Variants in BRAF observed in about 807,000 individuals in gnomAD.
The protein encoded by BRAF is B-Raf proto-oncogene, serine/threonine kinase.
In BRAF, 16 loss-of-function variants were observed where a neutral mutation model predicts 104.6. That is an observed-to-expected ratio of 0.15 (90% confidence interval 0.10 to 0.23). BRAF has a LOEUF of 0.23. Among genes scored for constraint, BRAF ranks in the 10% least tolerant of loss-of-function variants. BRAF has a pLI of 1.00. For synonymous variants in BRAF, 310 were observed against 341.6 expected (o/e 0.91, Z 1.02); for missense variants, 541 against 937.3 (o/e 0.58, Z 5.52).
chr7:140,827,626 C>T (rs1403629874), intron 3 of BRAF, among the ~76,000 whole-genome samples: 1 of 152,184 alleles, frequency 6.6e-6, no homozygotes, highest in East Asian at 1.9e-4. Context: ...TTCCAACTAC[C>T]TTTGTGACAC....
chr7:140,734,471 C>T (rs1796213660), intron 19 of BRAF: 1 of 1,588,842 alleles, frequency 6.3e-7, no homozygotes, highest in African/African-American at 1.3e-5. Context: ...TCTTTAACCA[C>T]ACAAGTGTTC....
At chr7:140,796,669 T>C (rs1167264222) in intron 7 of BRAF, among the ~76,000 whole-genome samples, 2 of 152,246 alleles carry the variant, frequency 1.3e-5, no homozygotes, top group African/African-American at 4.8e-5. Context: ...TGGTAGTTGG[T>C]ATCTAATAGT....
At chr7:140,717,372 C>T (rs1463925511), downstream of BRAF, among the ~76,000 whole-genome samples, 3 of 151,646 alleles carry the variant, frequency 2.0e-5, no homozygotes, top group Non-Finnish European at 4.4e-5. Context: ...CCTTGACCTC[C>T]CAGGCTCAAG....
downstream of BRAF, among the ~76,000 whole-genome samples, chr7:140,718,113 G>T (rs901421161): frequency 6.6e-6 from 1 of 151,784 alleles, no homozygotes; most frequent in Non-Finnish European, 1.5e-5. Flanking sequence ...TGTTTTTTTT[G>T]AGACAGAGTC....
chr7:140,881,085 T>C (rs887662427), intron 1 of BRAF, among the ~76,000 whole-genome samples: 2 of 152,234 alleles, frequency 1.3e-5, no homozygotes, highest in African/African-American at 4.8e-5. Flanking sequence ...GATCTTTTTT[T>C]CTTCTGAGCA....
chr7:140,746,200 T>TTGTAACTGTAGTTTCTAGTCAGAAA (rs1797334217), intron 17 of BRAF, among the ~76,000 whole-genome samples: 1 of 152,190 alleles, frequency 6.6e-6, no homozygotes, highest in Non-Finnish European at 1.5e-5. Flanking sequence ...AGATATATGC[T>TTGTAACTGTAGTTTCTAGTCAGAAA]ATCTATTCTT....
chr7:140,887,439 G>A (rs556181794), intron 1 of BRAF, among the ~76,000 whole-genome samples: 3 of 152,266 alleles, frequency 2.0e-5, no homozygotes, highest in African/African-American at 4.8e-5. Flanking sequence ...TAATCTGACC[G>A]CAAATATTTT....
intron 1 of BRAF, among the ~76,000 whole-genome samples, chr7:140,917,849 G>A (rs918439113): frequency 1.3e-5 from 2 of 152,138 alleles, no homozygotes; most frequent in African/African-American, 4.8e-5. Flanking sequence ...ACATGAAAAT[G>A]ATATGAAATT....
In BRAF at chr7:140,719,550, A is replaced by G. The variant is rs944870816; in HGVS notation, c.*6944T>C. ...TACAAATTTACATGAGAAAAACTCC[A>G]AAGTACAAATGAAGGGACCTGAGCA... On this transcript the variant is annotated 3_prime_UTR_variant, in exon 20 of 20. Transcript: ENST00000644969. The G allele has an allele frequency of 1.9e-6, 2 of 1,050,426 alleles. No homozygotes were observed. Among genetic ancestry groups the G allele is most frequent in the Admixed American group, 5.4e-5 (1 of 18,466 alleles). 65.1% of individuals were successfully genotyped at this position (1,050,426 alleles called of 1,614,324 possible). A position where few individuals can be genotyped will look rare whatever the true frequency, so the allele number is the denominator to read the frequency against.
chr7:140,898,456 C>T (rs1225115370), intron 1 of BRAF, among the ~76,000 whole-genome samples: 1 of 152,114 alleles, frequency 6.6e-6, no homozygotes, highest in Non-Finnish European at 1.5e-5. Context: ...CTACAAATGG[C>T]ATGTCTATAA....
chr7:140,847,831 T>C (rs906744610), intron 2 of BRAF, among the ~76,000 whole-genome samples: 3 of 152,146 alleles, frequency 2.0e-5, no homozygotes, highest in Non-Finnish European at 2.9e-5. Flanking sequence ...ACATGGAGTC[T>C]GTATGACTCC....
intron 17 of BRAF, chr7:140,741,826 T>C (rs902897766): frequency 1.3e-5 from 2 of 151,916 alleles, no homozygotes; most frequent in Non-Finnish European, 2.9e-5. Context: ...GGTGTGGCGG[T>C]ATGTGCCTGT....
At chr7:140,814,810 A>G (rs1804682843) in intron 3 of BRAF, among the ~76,000 whole-genome samples, 1 of 146,312 alleles carries the variant, frequency 6.8e-6, no homozygotes, top group Non-Finnish European at 1.5e-5. Flanking sequence ...TATTATATAT[A>G]ACATATATAA....
At position 140,833,180 on chromosome 7, in the gene BRAF, G is replaced by A. The variant is rs188727262; in HGVS notation, c.504+1429C>T. Among the ~76,000 whole-genome samples the A allele has an allele frequency of 1.0e-3, 156 of 152,114 alleles. 4 individuals carry two copies. Among genetic ancestry groups the A allele is most frequent in the South Asian group, 8.9e-3 (43 of 4,820 alleles). On this transcript the variant is annotated intron_variant, in intron 3 of 19. Transcript: ENST00000644969. ...ATTACAGGCACGAGCCACTGTGCCC[G>A]GCCGGAGGCTAGTTAAACTTAATCA... is the stretch of plus-strand genomic sequence containing the variant.
chr7:140,732,948 T>G (rs1796095958), intron 19 of BRAF: 1 of 152,226 alleles, frequency 6.6e-6, no homozygotes, highest in African/African-American at 2.4e-5. Flanking sequence ...TAATCATATA[T>G]TTAATGCCAC....
chr7:140,889,162 ATC>A (rs1229612088), intron 1 of BRAF, among the ~76,000 whole-genome samples: 4 of 152,250 alleles, frequency 2.6e-5, no homozygotes, highest in African/African-American at 7.2e-5. Flanking sequence ...TAATCTAATA[ATC>A]TCTGACAAGA....
rs572436924 is a variant in BRAF at position 140,924,462 on chromosome 7, T to C, written c.138+104A>G. On this transcript the variant is annotated intron_variant, in intron 1 of 19. Transcript: ENST00000644969. This position sits in a 1 kb window ranked among gnomAD's most constrained non-coding sequence, Gnocchi z 4.2. ...AGCCCGCGGAGCTGGCCCGAGAAGG[T>C]GGCTGAGGGCATCAAGCCCCCACCG... 386 of 1,485,794 alleles carry C rather than the reference T, an allele frequency of 2.6e-4. No homozygotes were observed. The African/African-American group carries it at 4.7e-3, about 18-fold the overall frequency. The allele number at this position is 1,485,794 out of a possible 1,614,324, so 92.0% of individuals were successfully genotyped here.
At chr7:140,776,246 T>G (rs939046959) in intron 14 of BRAF, among the ~76,000 whole-genome samples, 59 of 152,194 alleles carry the variant, frequency 3.9e-4, no homozygotes, top group African/African-American at 1.2e-3. Flanking sequence ...TCACAGAGCT[T>G]TCAAATTCAT....
At chr7:140,804,412 GGGT>G (rs1803450104) in intron 5 of BRAF, among the ~76,000 whole-genome samples, 1 of 150,770 alleles carries the variant, frequency 6.6e-6, no homozygotes, top group African/African-American at 2.5e-5. Flanking sequence ...TTTTTGGGGG[GGGT>G]GGTTAATACT....
Sources: allele counts gnomAD v4.1 joint callset (sites outside exome capture counted in the v4.1 genomes callset), GRCh38; gene constraint gnomAD v4.1.1; non-coding constraint Gnocchi (gnomAD v3.1); transcripts MANE v1.5; gene names NCBI Gene and HGNC (gene_info 2026-07-23, HGNC 2026-07-21).